The following WDR76 variants were observed in gnomAD, a reference collection of about 807,000 sequenced individuals.
WDR76 encodes WD repeat domain 76, also known as WD repeat-containing protein 76.
A neutral mutation model predicts 70.2 loss-of-function variants in WDR76; 52 were observed. That is an observed-to-expected ratio of 0.74 (90% CI 0.59 to 0.93). The LOEUF is 0.93. Ranked by LOEUF, WDR76 falls within the 40% of genes least tolerant of loss-of-function variation. The probability of loss-of-function intolerance (pLI) is 0.00; values close to 1 mark genes in which losing one functional copy is unlikely to be tolerated. For synonymous variants in WDR76, 292 were observed against 271.1 expected (o/e 1.08, Z -0.76); for missense variants, 756 against 760.2 (o/e 0.99, Z 0.07).
At chr15:43,836,081 G>T in intron 3 of WDR76, 80 bp from the exon 4 acceptor site, 1 of 1,300,098 alleles carries the variant, frequency 7.7e-7, no homozygotes, top group East Asian at 2.5e-5. Flanking sequence ...GTTTAGTGTG[G>T]GTATAGTAGC....
chr15:43,836,135 T>A (rs761158094), intron 3 of WDR76, 26 bp from the exon 4 acceptor site: 1 of 1,595,052 alleles, frequency 6.3e-7, no homozygotes, highest in African/African-American at 1.4e-5. Flanking sequence ...GTTATAACAT[T>A]TTTACATGAT....
chr15:43,827,142 T>A (rs1274875894), intron 1 of WDR76, 50 bp downstream of exon 1: 1 of 1,613,508 alleles, frequency 6.2e-7, no homozygotes, highest in South Asian at 1.1e-5. Flanking sequence ...TCGGTTTTTG[T>A]GAGGGTTATG....
chr15:43,853,926 CA>C (rs1001857402), intron 9 of WDR76, among the ~76,000 whole-genome samples: 8 of 148,368 alleles, frequency 5.4e-5, no homozygotes, highest in African/African-American at 2.0e-4. Context: ...CAAAAAAAAA[CA>C]AAAAAACCCC....
intron 2 of WDR76, among the ~76,000 whole-genome samples, chr15:43,832,822 G>A (rs372731854): frequency 8.0e-5 from 10 of 124,714 alleles, no homozygotes; most frequent in African/African-American, 2.4e-4. Context: ...GTGTGATCTC[G>A]GCTCACTGCA....
chr15:43,853,212 T>C (rs1457518772), intron 9 of WDR76, among the ~76,000 whole-genome samples: 9 of 150,468 alleles, frequency 6.0e-5, no homozygotes, highest in Admixed American at 6.0e-4. Flanking sequence ...TTTTTTGAGA[T>C]GGGGGTCTCA....
At chr15:43,856,356 G>A (rs1238690800) in intron 9 of WDR76, among the ~76,000 whole-genome samples, 1 of 152,176 alleles carries the variant, frequency 6.6e-6, no homozygotes, top group African/African-American at 2.4e-5. Context: ...CTTCTACTGA[G>A]AGTAGGTGAG....
In WDR76 at chr15:43,866,660, CTT is replaced by C. The variant is rs2088076374; in HGVS notation, c.*269_*270del. On this transcript the variant is annotated 3_prime_UTR_variant, in exon 13 of 13. Transcript: ENST00000263795. ...TTTTTTTTTGAGATGGAGTTTTGCT[CTT>C]GTTGCCCAGGCTGGAGTGCAATAGC... 1 of 332,276 alleles carries C rather than the reference CTT, an allele frequency of 3.0e-6. No homozygotes were observed. Among genetic ancestry groups the C allele is most frequent in the African/African-American group, 2.7e-5 (1 of 36,592 alleles). The allele number at this position is 332,276 out of a possible 1,614,324, so 20.6% of individuals were successfully genotyped here. A position where few individuals can be genotyped will look rare whatever the true frequency, so the allele number is the denominator to read the frequency against.
In WDR76 at chr15:43,867,443, G is replaced by A. The variant is rs2088087925; in HGVS notation, c.*1051G>A. ...GACTGGTGTTGAAAAAAATGAAAAG[G>A]AAAGAATTTGTAAAGAACAGAAAAT... On this transcript the variant is annotated 3_prime_UTR_variant, in exon 13 of 13. Transcript: ENST00000263795. 1 of 152,004 alleles carries A rather than the reference G, an allele frequency of 6.6e-6. No individual in the cohort carries two copies. The highest frequency in any genetic ancestry group is 1.5e-5 in the Non-Finnish European group (1 of 67,990). The allele number at this position is 152,004 out of a possible 1,614,324, so 9.4% of individuals were successfully genotyped here.
intron 7 of WDR76, among the ~76,000 whole-genome samples, chr15:43,843,013 CTTTT>C (rs370773260): frequency 8.3e-6 from 1 of 119,950 alleles, no homozygotes; most frequent in Non-Finnish European, 1.7e-5. Flanking sequence ...TTTTCTTTTT[CTTTT>C]TTTTTTTTTT....
At chr15:43,854,350 A>C (rs1046796256) in intron 9 of WDR76, among the ~76,000 whole-genome samples, 6 of 152,148 alleles carry the variant, frequency 3.9e-5, no homozygotes, top group Non-Finnish European at 8.8e-5. Context: ...AGGGTGGATC[A>C]CTAGAGCTCA....
At chr15:43,852,406 C>G (rs559972893) in intron 9 of WDR76, among the ~76,000 whole-genome samples, 56 of 151,298 alleles carry the variant, frequency 3.7e-4, no homozygotes, top group Non-Finnish European at 7.5e-4. Flanking sequence ...GAGTCTCACT[C>G]TGTCGCCCAG....
intron 8 of WDR76, among the ~76,000 whole-genome samples, chr15:43,848,353 C>T (rs1057354664): frequency 6.6e-6 from 1 of 152,192 alleles, no homozygotes; most frequent in Non-Finnish European, 1.5e-5. Flanking sequence ...AGCTAGGAGA[C>T]AGCATAATTT....
chr15:43,838,100 C>T (rs528402204), intron 4 of WDR76, among the ~76,000 whole-genome samples: 13 of 152,268 alleles, frequency 8.5e-5, no homozygotes, highest in Admixed American at 8.5e-4. Context: ...GTCTCAATCT[C>T]CTGACCTCGT....
intron 10 of WDR76, chr15:43,857,662 A>T (rs2087944863): frequency 3.3e-6 from 1 of 304,192 alleles, no homozygotes; most frequent in Admixed American, 6.5e-5. Flanking sequence ...TCTACTAAAA[A>T]TACAAAAACT....
At chr15:43,848,044 C>T (rs1395744000) in intron 8 of WDR76, among the ~76,000 whole-genome samples, 1 of 151,182 alleles carries the variant, frequency 6.6e-6, no homozygotes, top group Non-Finnish European at 1.5e-5. Flanking sequence ...GCCTAGGTGA[C>T]ATAGTGAGAT....
chr15:43,833,722 C>T (rs2087620522), intron 2 of WDR76, among the ~76,000 whole-genome samples: 1 of 151,842 alleles, frequency 6.6e-6, no homozygotes, highest in African/African-American at 2.4e-5. Context: ...CTGCAACCTC[C>T]ATCTCCCGGG....
intron 12 of WDR76, among the ~76,000 whole-genome samples, chr15:43,861,832 A>ATTTTTTTTTTT (rs898404641): frequency 1.9e-5 from 2 of 104,772 alleles, no homozygotes; most frequent in African/African-American, 3.7e-5. Context: ...GTATTTGTGT[A>ATTTTTTTTTTT]TTTTTTTTTT....
At chr15:43,860,910 CTTTTTTTTTTTTTTTT>C (rs34504509) in intron 11 of WDR76, among the ~76,000 whole-genome samples, 1 of 78,994 alleles carries the variant, frequency 1.3e-5, no homozygotes, top group East Asian at 3.7e-4. Flanking sequence ...TGATCTTACT[CTTTTTTTTTTTTTTTT>C]TTTTTTTTTT....
At chr15:43,846,868 C>CA (rs2087795236) in intron 8 of WDR76, among the ~76,000 whole-genome samples, 1 of 151,440 alleles carries the variant, frequency 6.6e-6, no homozygotes, top group South Asian at 2.1e-4. Context: ...ACTAAAGATA[C>CA]AAAATTAGCC....
Sources: allele counts gnomAD v4.1 joint callset (sites outside exome capture counted in the v4.1 genomes callset), GRCh38; gene constraint gnomAD v4.1.1; transcripts MANE v1.5; gene names NCBI Gene and HGNC (gene_info 2026-07-23, HGNC 2026-07-21).